The following CERS4 variants were observed in gnomAD, a reference collection of about 807,000 sequenced individuals.
CERS4 encodes ceramide synthase 4.
A neutral mutation model predicts 51.8 loss-of-function variants in CERS4; 65 were observed. That is an observed-to-expected ratio of 1.26 (90% CI 1.03 to 1.54). The LOEUF (loss-of-function observed/expected upper bound fraction) is 1.54, where lower values mean the gene tolerates loss of function less well. CERS4 is among the 40% of genes most tolerant of loss of function. The pLI is 0.00. For synonymous variants in CERS4, 228 were observed against 208.4 expected, an observed-to-expected ratio of 1.09 and a Z score of -0.81; for missense variants, 563 against 500.4, an observed-to-expected ratio of 1.13 and a Z score of -1.19.
At chr19:8,256,346 A>AG in intron 7 of CERS4, 60 bp downstream of exon 7, 1 of 1,582,410 alleles carries the variant, frequency 6.3e-7, no homozygotes, top group Non-Finnish European at 8.6e-7. Flanking sequence ...CAGTTGCTGC[A>AG]GCCATGGGCA....
Position 8,251,185 on chromosome 19 carries a change from C to T in CERS4, c.109C>T (p.Gln37Ter). The change falls in exon 3 of 12, where the codon CAG becomes TAG. Residue 37 changes from glutamine (Q) to a stop codon, truncating the protein, a stop_gained. Transcript: ENST00000251363. LOFTEE classifies it high-confidence loss of function. ...DRDGRVYPHP[Q>*]DLLAALPLAL... The stretch of plus-strand genomic sequence containing the variant: ...GGATGGCCGTGTCTACCCCCACCCC[C>T]AGGACTTGTTGGCAGCCCTGCCCCT... 1 of 1,613,586 alleles carries T rather than the reference C, an allele frequency of 6.2e-7. No individual in the cohort carries two copies. Among genetic ancestry groups the T allele is most frequent in the Non-Finnish European group, 8.5e-7 (1 of 1,179,814 alleles).
intron 2 of CERS4, among the ~76,000 whole-genome samples, chr19:8,237,198 A>T (rs1968306321): frequency 6.6e-6 from 1 of 151,884 alleles, no homozygotes; most frequent in Non-Finnish European, 1.5e-5. Flanking sequence ...CTCAGCCTCC[A>T]GCTTTCTGTT....
chr19:8,261,253 A>T (rs36257), intron 10 of CERS4: 59,851 of 164,632 alleles, frequency 0.36, 11,555 homozygotes, highest in African/African-American at 0.47. Flanking sequence ...ACTCTGGGAG[A>T]TGGAGCCCTG....
chr19:8,251,139 G>A lies in CERS4; in HGVS notation c.63G>A (p.Thr21=), dbSNP rs557039979. 2.0e-5 allele frequency: 33 copies of A among 1,612,900 alleles called. No individual in the cohort carries two copies. The East Asian group carries it at 4.2e-4, about 21-fold the overall frequency. Residue 21 remains threonine, a synonymous_variant, in exon 3 of 12, where the codon ACG becomes ACA. Transcript: ENST00000251363. ...QDRFWLPPNV[T]WTELEDRDGR... is the part of the protein sequence containing the mutation. ...GGTTCTGGTTACCACCCAATGTCAC[G>A]TGGACAGAGCTAGAAGACCGGGATG... is the stretch of plus-strand genomic sequence containing the variant.
At chr19:8,236,200 AAAC>A (rs1048518321) in intron 2 of CERS4, among the ~76,000 whole-genome samples, 19 of 152,124 alleles carry the variant, frequency 1.2e-4, no homozygotes, top group African/African-American at 4.6e-4. Flanking sequence ...GTCTCAAAAC[AAAC>A]AAAAAAATGC....
In CERS4 at chr19:8,210,421, G is replaced by C. The variant is rs1468352757; in HGVS notation, c.-158-285G>C. The stretch of plus-strand genomic sequence containing the variant: ...TGGGTAGTTAGGAGTATATAGAAGA[G>C]GCTTTCATTGCTGGGTTGGGAGACT... On this transcript the variant is annotated intron_variant, in intron 1 of 11. Transcript: ENST00000251363. This position sits in a 1 kb window ranked among gnomAD's most constrained non-coding sequence, Gnocchi z 4.2. Among the ~76,000 whole-genome samples, 1 of 152,062 alleles carries C rather than the reference G, an allele frequency of 6.6e-6. No individual in the cohort carries two copies. Among genetic ancestry groups the C allele is most frequent in the African/African-American group, 2.4e-5 (1 of 41,394 alleles).
chr19:8,220,118 C>T (rs889069031), intron 2 of CERS4, among the ~76,000 whole-genome samples: 2 of 152,108 alleles, frequency 1.3e-5, no homozygotes, highest in African/African-American at 4.8e-5. Flanking sequence ...AATTTGCCCA[C>T]CGGCTCTCCT....
chr19:8,236,471 C>CTTGAG, intron 2 of CERS4, among the ~76,000 whole-genome samples: 1 of 151,566 alleles, frequency 6.6e-6, no homozygotes, highest in South Asian at 2.1e-4. Context: ...GCAAGAGGAA[C>CTTGAG]GCTTGAGCCC....
rs937204042 is a variant in CERS4, at chr19:8,262,297, A to G, written c.*188A>G. On this transcript the variant is annotated 3_prime_UTR_variant, in exon 12 of 12. Transcript: ENST00000251363. ...CACCCACCCTTCTTCCCTCTGGGCA[A>G]CTGGACAGATCTGGGAGCCAGCAGC... is the stretch of plus-strand genomic sequence containing the variant. 6 of 536,444 alleles carry G rather than the reference A, an allele frequency of 1.1e-5. No individual in the cohort carries two copies. Among genetic ancestry groups the G allele is most frequent in the African/African-American group, 9.8e-5 (5 of 51,278 alleles). 33.2% of individuals were successfully genotyped at this position (536,444 alleles called of 1,614,324 possible).
intron 2 of CERS4, among the ~76,000 whole-genome samples, chr19:8,247,817 T>C (rs1968857885): frequency 1.3e-5 from 2 of 148,946 alleles, no homozygotes; most frequent in African/African-American, 4.9e-5. Context: ...CACTGCAACC[T>C]CTGCCTCCCA....
At chr19:8,249,587 A>ATTTTTT (rs869119452) in intron 2 of CERS4, among the ~76,000 whole-genome samples, 9,810 of 91,166 alleles carry the variant, frequency 0.11, 1,539 homozygotes, top group East Asian at 0.2. Context: ...GGAACTCTGG[A>ATTTTTT]TTTTTTTTTT....
Position 8,257,994 on chromosome 19 carries a change from G to T in CERS4, c.848+9G>T. 1 of 1,605,096 alleles carries T rather than the reference G, an allele frequency of 6.2e-7. No homozygotes were observed. Among genetic ancestry groups the T allele is most frequent in the Non-Finnish European group, 8.5e-7 (1 of 1,172,268 alleles). ...GTCCTCTTTCCCACCCAGTGAGTCA[G>T]CCCTCCCATGGGGGTCAGGGAGGTG... On this transcript the variant is annotated intron_variant, in intron 10 of 11. Transcript: ENST00000251363.
intron 2 of CERS4, chr19:8,238,605 C>T: frequency 1.0e-6 from 1 of 985,194 alleles, no homozygotes; most frequent in Non-Finnish European, 1.2e-6. Context: ...CAGCAGGCAC[C>T]AGGCCAGAGT....
At chr19:8,229,679 T>C (rs546852813) in intron 2 of CERS4, among the ~76,000 whole-genome samples, 1 of 152,118 alleles carries the variant, frequency 6.6e-6, no homozygotes, top group Non-Finnish European at 1.5e-5. Context: ...CCCAAAGTGC[T>C]AGGATTACAG....
At chr19:8,229,194 G>A (rs1331263718) in intron 2 of CERS4, among the ~76,000 whole-genome samples, 1 of 151,284 alleles carries the variant, frequency 6.6e-6, no homozygotes, top group African/African-American at 2.4e-5. Context: ...GCAAGGTAGT[G>A]CACACCTGTA....
intron 2 of CERS4, among the ~76,000 whole-genome samples, chr19:8,236,290 C>A (rs937359453): frequency 6.6e-6 from 1 of 152,186 alleles, no homozygotes; most frequent in African/African-American, 2.4e-5. Flanking sequence ...TAGTTCAAAT[C>A]GAGAAAGACG....
chr19:8,222,545 C>A (rs1013806990), intron 2 of CERS4, among the ~76,000 whole-genome samples: 1 of 151,408 alleles, frequency 6.6e-6, no homozygotes, highest in African/African-American at 2.4e-5. Context: ...GTTGCCCAGG[C>A]TAGAGTACAA....
intron 2 of CERS4, among the ~76,000 whole-genome samples, chr19:8,243,675 G>T (rs767366094): frequency 8.7e-5 from 13 of 149,652 alleles, no homozygotes; most frequent in Non-Finnish European, 1.2e-4. Flanking sequence ...CCAAAACAGG[G>T]TCTTGTTGAC....
chr19:8,237,604 A>G (rs950876442), intron 2 of CERS4, among the ~76,000 whole-genome samples: 3 of 151,988 alleles, frequency 2.0e-5, no homozygotes, highest in African/African-American at 7.3e-5. Context: ...TAATCCCAGC[A>G]CTTTGGGAGG....
Sources: gnomAD v4.1 joint callset for allele counts (sites outside exome capture counted in the v4.1 genomes callset) on GRCh38, gnomAD v4.1.1 for gene constraint, Gnocchi (gnomAD v3.1) non-coding constraint, MANE v1.5 for transcripts, NCBI Gene and HGNC (gene_info 2026-07-23, HGNC 2026-07-21) for gene names.